STK32C: variants seen among roughly 807,000 people sequenced by gnomAD.
STK32C encodes the protein serine/threonine kinase 32C.
A neutral mutation model predicts 56.5 loss-of-function variants in STK32C; 31 were observed. The ratio of observed to expected loss-of-function variants is 0.55; its 90% CI spans 0.41 to 0.74. STK32C has a LOEUF of 0.74. Ranked by LOEUF, STK32C falls within the 30% of genes least tolerant of loss-of-function variation. STK32C has a pLI of 0.00. For missense variants in STK32C, 544 were observed against 676.9 expected, an observed-to-expected ratio of 0.80 and a Z score of 2.18; for synonymous variants, 309 against 289.4, an observed-to-expected ratio of 1.07 and a Z score of -0.69.
intron 1 of STK32C, among the ~76,000 whole-genome samples, chr10:132,300,431 G>C (rs898417028): frequency 3.5e-4 from 54 of 152,138 alleles, no homozygotes; most frequent in Admixed American, 1.3e-4. Flanking sequence ...ATGGAATCTG[G>C]GGGGGACAAA....
At chr10:132,331,922 C>T, upstream of STK32C, 2 of 694,252 alleles carry the variant, frequency 2.9e-6, no homozygotes, top group Non-Finnish European at 4.4e-6. Context: ...CACAACCCCC[C>T]CACCGCAAGC....
Position 132,331,708 on chromosome 10 carries a change from C to T in STK32C, c.29G>A (p.Gly10Glu), listed in dbSNP as rs777726020. 8 of 1,612,682 alleles carry T rather than the reference C, an allele frequency of 5.0e-6. No individual in the cohort carries two copies. In the South Asian group the frequency reaches 7.7e-5, roughly 15 times the overall value. The change falls in exon 1 of 2, where the codon GGG becomes GAG. Residue 10 changes from glycine (G) to glutamate (E), a missense_variant. Transcript: ENST00000368619. ...TCGAGCAGCCCCGCCCGCCCCGGGC[C>T]CTCCGGCTCCCCAGACGGCACTTAG...
chr10:132,288,699 A>C (rs142905531), intron 1 of STK32C, among the ~76,000 whole-genome samples: 19 of 152,370 alleles, frequency 1.2e-4, no homozygotes, highest in Non-Finnish European at 2.4e-4. Context: ...AACTAAAATA[A>C]TGCCAGTTAC....
At chr10:132,271,378 T>C (rs145158009) in intron 1 of STK32C, among the ~76,000 whole-genome samples, 2 of 152,256 alleles carry the variant, frequency 1.3e-5, no homozygotes, top group African/African-American at 2.4e-5. Context: ...GCTGCAAGAA[T>C]AGCATGGAGG....
At chr10:132,291,001 C>G (rs532081958) in intron 1 of STK32C, among the ~76,000 whole-genome samples, 26 of 152,376 alleles carry the variant, frequency 1.7e-4, no homozygotes, top group African/African-American at 6.0e-4. Flanking sequence ...TGGCTCTCCC[C>G]TGCCTCCCTT....
At chr10:132,223,059 C>T (rs2062740671) in intron 8 of STK32C, 73 bp from the exon 9 acceptor site, 1 of 1,505,100 alleles carries the variant, frequency 6.6e-7, no homozygotes, top group African/African-American at 1.4e-5. Context: ...CACCCCCAGG[C>T]CAGGGCACCT....
At chr10:132,270,128 G>C (rs1227678658) in intron 1 of STK32C, among the ~76,000 whole-genome samples, 1 of 152,238 alleles carries the variant, frequency 6.6e-6, no homozygotes, top group Admixed American at 6.5e-5. Flanking sequence ...TGAGGAGGAG[G>C]CCGAGAGAGC....
intron 1 of STK32C, among the ~76,000 whole-genome samples, chr10:132,303,864 C>T (rs551218916): frequency 4.6e-5 from 7 of 152,318 alleles, no homozygotes; most frequent in South Asian, 2.1e-4. Context: ...CCGCCAGCTC[C>T]GCTGGCAGCA....
chr10:132,251,889 C>T (rs1468777217), intron 1 of STK32C, among the ~76,000 whole-genome samples: 1 of 148,496 alleles, frequency 6.7e-6, no homozygotes, highest in African/African-American at 2.5e-5. Flanking sequence ...CTACTCACCA[C>T]AGGCAGGTCG....
At position 132,307,326 on chromosome 10, in the gene STK32C, C is replaced by T. The variant is rs1164352996; in HGVS notation, c.262+246G>A. 7 of 354,188 alleles carry T rather than the reference C, an allele frequency of 2.0e-5. No homozygotes were observed. Among genetic ancestry groups the T allele is most frequent in the African/African-American group, 1.3e-4 (6 of 45,994 alleles). The allele number at this position is 354,188 out of a possible 1,614,324, so 21.9% of individuals were successfully genotyped here. ...CGGAGACGCCACAGCCGCGGGGGAC[C>T]CTCGCCCCGAGGGCCCGGGCCCAGC... On this transcript the variant is annotated intron_variant, in intron 1 of 11. Coordinates refer to ENST00000298630, the MANE Select transcript of STK32C (RefSeq NM_173575.4). This position sits in a 1 kb window ranked among gnomAD's most constrained non-coding sequence, Gnocchi z 4.4.
At chr10:132,251,270 G>A (rs1413376182) in intron 1 of STK32C, among the ~76,000 whole-genome samples, 1 of 152,202 alleles carries the variant, frequency 6.6e-6, no homozygotes, top group Non-Finnish European at 1.5e-5. Flanking sequence ...CCCGTGGAGG[G>A]GGCAGAGGCC....
intron 10 of STK32C, among the ~76,000 whole-genome samples, chr10:132,220,563 C>T (rs1276208252): frequency 6.6e-6 from 1 of 152,230 alleles, no homozygotes; most frequent in Non-Finnish European, 1.5e-5. Flanking sequence ...TAAAGTCACC[C>T]TTCTACAACA....
At chr10:132,315,285 G>A (rs112788939) in intron 1 of STK32C, among the ~76,000 whole-genome samples, 2,950 of 152,230 alleles carry the variant, frequency 0.019, 40 homozygotes, top group Middle Eastern at 0.034. Context: ...CATGGACACA[G>A]GGAGGGGAAC....
intron 1 of STK32C, 43 bp from the exon 2 acceptor site, chr10:132,245,998 G>C (rs373365515): frequency 4.5e-5 from 72 of 1,594,546 alleles, no homozygotes; most frequent in Non-Finnish European, 5.9e-5. Flanking sequence ...GTGGCAGCAA[G>C]GCCCCACCCC....
intron 1 of STK32C, among the ~76,000 whole-genome samples, chr10:132,280,525 TCACGC>T (rs2065152478): frequency 8.5e-6 from 1 of 117,764 alleles, no homozygotes; most frequent in African/African-American, 3.4e-5. Context: ...CACTCCGTGA[TCACGC>T]TGAGGCCTCC....
chr10:132,256,931 G>T (rs1036346741), intron 1 of STK32C, among the ~76,000 whole-genome samples: 1 of 152,196 alleles, frequency 6.6e-6, no homozygotes, highest in African/African-American at 2.4e-5. Context: ...CTAGCCAGTG[G>T]GGGGGACGCT....
rs893160238 is a variant in STK32C at position 132,307,272 on chromosome 10, C to T, written c.262+300G>A. 3 of 251,836 alleles carry T rather than the reference C, an allele frequency of 1.2e-5. No individual in the cohort carries two copies. Among genetic ancestry groups the T allele is most frequent in the African/African-American group, 4.6e-5 (2 of 43,944 alleles). The allele number at this position is 251,836 out of a possible 1,614,324, so 15.6% of individuals were successfully genotyped here. A position where few individuals can be genotyped will look rare whatever the true frequency, so the allele number is the denominator to read the frequency against. ...CGGAAAGCGGAAAGCAGGGCTGCCA[C>T]GGGCGGTGGGCGGAGGCGCGCGCAA... is the stretch of plus-strand genomic sequence containing the variant. On this transcript the variant is annotated intron_variant, in intron 1 of 11. Transcript: ENST00000298630. This position sits in a 1 kb window ranked among gnomAD's most constrained non-coding sequence, Gnocchi z 4.4.
chr10:132,327,480 A>G (rs1053352699), intron 1 of STK32C, among the ~76,000 whole-genome samples: 1 of 146,950 alleles, frequency 6.8e-6, no homozygotes, highest in Non-Finnish European at 1.5e-5. Context: ...TTTAAAACAA[A>G]TTTTTTTTTT....
chr10:132,264,439 G>A (rs576127627), intron 1 of STK32C, among the ~76,000 whole-genome samples: 122 of 152,120 alleles, frequency 8.0e-4, no homozygotes, highest in African/African-American at 2.7e-3. Flanking sequence ...TGGGCGGGAC[G>A]CACAGGGAGC....
Sources: gnomAD v4.1 joint callset for allele counts (sites outside exome capture counted in the v4.1 genomes callset) on GRCh38, gnomAD v4.1.1 for gene constraint, Gnocchi (gnomAD v3.1) non-coding constraint, MANE v1.5 for transcripts, NCBI Gene and HGNC (gene_info 2026-07-23, HGNC 2026-07-21) for gene names.